Variants in PDE3B observed in about 807,000 individuals in gnomAD.
PDE3B encodes the protein cGMP-inhibited 3',5'-cyclic phosphodiesterase 3B.
Under a neutral mutation model 116.8 loss-of-function variants are expected in PDE3B, and 66 were observed. The observed-to-expected ratio is 0.56, with a 90% CI of 0.46 to 0.69. The LOEUF is 0.69. Ranked by LOEUF, PDE3B falls within the 30% of genes least tolerant of loss-of-function variation. PDE3B has a pLI of 0.00. For synonymous variants in PDE3B, 595 were observed against 533.6 expected (o/e 1.12, Z -1.59); for missense variants, 1,384 against 1,368.1 (o/e 1.01, Z -0.18).
chr11:14,829,651 G>A (rs1032208583), intron 7 of PDE3B, among the ~76,000 whole-genome samples: 2 of 152,010 alleles, frequency 1.3e-5, no homozygotes, highest in African/African-American at 4.8e-5. Context: ...GAGAACACAT[G>A]GACATAAAGA....
intron 8 of PDE3B, among the ~76,000 whole-genome samples, chr11:14,831,153 T>C (rs1859870874): frequency 6.6e-6 from 1 of 151,744 alleles, no homozygotes; most frequent in Non-Finnish European, 1.5e-5. Flanking sequence ...ATAGAGAATA[T>C]GTGCATGTTA....
chr11:14,878,516 G>GT, the PDE3B span, among the ~76,000 whole-genome samples: 3,374 of 152,180 alleles, frequency 0.022, 61 homozygotes, highest in Non-Finnish European at 0.037. Flanking sequence ...ACGGACTTTT[G>GT]TAAGACTTTA....
At chr11:14,745,477 C>T (rs531414044) in intron 1 of PDE3B, among the ~76,000 whole-genome samples, 1 of 151,464 alleles carries the variant, frequency 6.6e-6, no homozygotes, top group Admixed American at 6.6e-5. Context: ...GTGGATCAAC[C>T]ATTATTTCTT....
chr11:14,821,089 T>C (rs1259483283), intron 7 of PDE3B, among the ~76,000 whole-genome samples: 2 of 152,172 alleles, frequency 1.3e-5, no homozygotes, highest in East Asian at 1.9e-4. Flanking sequence ...CAGTCAGATA[T>C]TGGTTGGGGA....
chr11:14,842,596 C>T (rs1453608482), intron 11 of PDE3B, among the ~76,000 whole-genome samples: 4 of 151,962 alleles, frequency 2.6e-5, no homozygotes, highest in African/African-American at 7.3e-5. Context: ...AGCTCTAAGC[C>T]GGTGTAGTGG....
intron 1 of PDE3B, among the ~76,000 whole-genome samples, chr11:14,745,307 A>G (rs1856882214): frequency 6.6e-6 from 1 of 152,220 alleles, no homozygotes; most frequent in South Asian, 2.1e-4. Flanking sequence ...ATTCAGAGAA[A>G]GAATACTGTA....
chr11:14,784,553 A>G (rs1360592331), intron 2 of PDE3B, among the ~76,000 whole-genome samples: 1 of 152,170 alleles, frequency 6.6e-6, no homozygotes, highest in Non-Finnish European at 1.5e-5. Context: ...CAGAAACTCT[A>G]TAAATTAATC....
intron 5 of PDE3B, among the ~76,000 whole-genome samples, chr11:14,816,871 T>C (rs1352920789): frequency 2.0e-5 from 3 of 152,186 alleles, no homozygotes; most frequent in African/African-American, 2.4e-5. Flanking sequence ...TTGTGGAAGA[T>C]AGTGTGGCAA....
rs111791761 is a variant in PDE3B at position 14,748,650 on chromosome 11, C to A, written c.979-23287C>A. Among the ~76,000 whole-genome samples the A allele has an allele frequency of 5.7e-3, 875 of 152,214 alleles. 10 individuals are homozygous for A. The highest frequency in any genetic ancestry group is 0.02 in the African/African-American group (846 of 41,548). On this transcript the variant is annotated intron_variant, in intron 1 of 15. Coordinates refer to ENST00000282096, the MANE Select transcript of PDE3B (RefSeq NM_000922.4). ...TATTACACTGATTCTTTAATCATTT[C>A]AAAATAGGAACAATTATTTCCAATG...
At chr11:14,646,275 C>CTT (rs1459110547) in intron 1 of PDE3B, among the ~76,000 whole-genome samples, 3 of 152,172 alleles carry the variant, frequency 2.0e-5, no homozygotes, top group Non-Finnish European at 4.4e-5. Context: ...TCTTGTCTGT[C>CTT]TTCTCTTCGA....
chr11:14,696,699 A>G (rs1272186335), intron 1 of PDE3B, among the ~76,000 whole-genome samples: 1 of 152,096 alleles, frequency 6.6e-6, no homozygotes, highest in Non-Finnish European at 1.5e-5. Context: ...TATTTTATAT[A>G]CAAAACTTTT....
At chr11:14,784,944 TG>T (rs1334288675) in intron 2 of PDE3B, among the ~76,000 whole-genome samples, 1 of 152,146 alleles carries the variant, frequency 6.6e-6, no homozygotes, top group Non-Finnish European at 1.5e-5. Flanking sequence ...AAATTGTTTT[TG>T]TGTGTGTTCC....
chr11:14,725,343 T>G (rs1686977236), intron 1 of PDE3B, among the ~76,000 whole-genome samples: 1 of 151,362 alleles, frequency 6.6e-6, no homozygotes. Context: ...CTTTCTTTCT[T>G]TCTTTCTTCT....
chr11:14,694,235 A>T (rs981955342), intron 1 of PDE3B, among the ~76,000 whole-genome samples: 1 of 152,204 alleles, frequency 6.6e-6, no homozygotes, highest in African/African-American at 2.4e-5. Context: ...AAATGACAAC[A>T]ATGGGTTTAC....
Position 14,867,494 on chromosome 11 carries a change from T to C in PDE3B, c.2887-12T>C. 6.2e-7 allele frequency: 1 copy of C among 1,605,508 alleles called. No individual in the cohort carries two copies. The highest frequency in any genetic ancestry group is 8.5e-7 in the Non-Finnish European group (1 of 1,175,412). ...CCAGTTAAAAATGTACTTTTCTTTTTAAAATATGCAGGGAGATGAAGAAGC... is the reference window on the plus strand; with the variant it reads ...CCAGTTAAAAATGTACTTTTCTTTTCAAAATATGCAGGGAGATGAAGAAGC... On this transcript the variant is annotated splice_polypyrimidine_tract_variant and intron_variant, in intron 14 of 15. Coordinates refer to ENST00000282096, the MANE Select transcript of PDE3B (RefSeq NM_000922.4).
chr11:14,688,073 TTTTC>T (rs1040004673), intron 1 of PDE3B, among the ~76,000 whole-genome samples: 11 of 151,346 alleles, frequency 7.3e-5, no homozygotes, highest in Non-Finnish European at 1.5e-4. Context: ...TGAATTAAAA[TTTTC>T]TTTCTTTTTC....
the PDE3B span, chr11:14,892,224 C>G: frequency 6.2e-7 from 1 of 1,604,302 alleles, no homozygotes; most frequent in Non-Finnish European, 8.5e-7. Context: ...GCTGGAGGTG[C>G]GAACTCCACA....
At chr11:14,680,277 GTGT>G (rs973743449) in intron 1 of PDE3B, among the ~76,000 whole-genome samples, 2 of 152,190 alleles carry the variant, frequency 1.3e-5, no homozygotes, top group African/African-American at 2.4e-5. Flanking sequence ...GGAATCAAGT[GTGT>G]TGTTGAATGG....
intron 1 of PDE3B, among the ~76,000 whole-genome samples, chr11:14,752,059 TTATCAGTGG>T (rs1280388994): frequency 6.6e-6 from 1 of 152,210 alleles, no homozygotes; most frequent in Non-Finnish European, 1.5e-5. Flanking sequence ...GTGACATGGG[TTATCAGTGG>T]TACTTGCTAC....
Sources: allele counts gnomAD v4.1 joint callset (sites outside exome capture counted in the v4.1 genomes callset), GRCh38; gene constraint gnomAD v4.1.1; transcripts MANE v1.5; gene names NCBI Gene and HGNC (gene_info 2026-07-23, HGNC 2026-07-21).